TLE1: variants seen among roughly 807,000 people sequenced by gnomAD.
TLE1 encodes transducin-like enhancer protein 1.
TLE1 carries 21 observed loss-of-function variants against 89.8 expected under a neutral mutation model. The observed-to-expected ratio is 0.23, with a 90% confidence interval of 0.17 to 0.34. The LOEUF is 0.34. Among genes scored for constraint, TLE1 ranks in the 10% least tolerant of loss-of-function variants. The pLI is 1.00. For missense variants in TLE1, 795 were observed against 1,031.2 expected, an observed-to-expected ratio of 0.77 and a Z score of 3.14; for synonymous variants, 447 against 407.6, an observed-to-expected ratio of 1.10 and a Z score of -1.16.
At chr9:81,647,658 C>A (rs927980971) in intron 6 of TLE1, among the ~76,000 whole-genome samples, 1 of 152,118 alleles carries the variant, frequency 6.6e-6, no homozygotes, top group African/African-American at 2.4e-5. Flanking sequence ...GGAGTCAGGA[C>A]CACATGTTCA....
At chr9:81,668,167 CG>C (rs1283491145) in intron 4 of TLE1, among the ~76,000 whole-genome samples, 1 of 38,376 alleles carries the variant, frequency 2.6e-5, no homozygotes, top group African/African-American at 2.8e-4. Flanking sequence ...GACTGCATCT[CG>C]AAAAAAAAAA....
chr9:81,664,101 T>C (rs1156311835), intron 4 of TLE1, among the ~76,000 whole-genome samples: 1 of 152,092 alleles, frequency 6.6e-6, no homozygotes, highest in Non-Finnish European at 1.5e-5. Context: ...CTCTAGTTCC[T>C]GAAGATGACG....
intron 8 of TLE1, among the ~76,000 whole-genome samples, chr9:81,629,659 T>C (rs1826327735): frequency 6.6e-6 from 1 of 152,222 alleles, no homozygotes; most frequent in African/African-American, 2.4e-5. Flanking sequence ...TACACAAACC[T>C]GGGTGGTATA....
intron 14 of TLE1, among the ~76,000 whole-genome samples, chr9:81,605,843 C>T (rs1343362115): frequency 6.6e-6 from 1 of 150,418 alleles, no homozygotes. Flanking sequence ...AGGCAACCTA[C>T]AGAATGGGAG....
intron 8 of TLE1, among the ~76,000 whole-genome samples, chr9:81,631,863 G>A (rs1826659787): frequency 6.6e-6 from 1 of 152,210 alleles, no homozygotes; most frequent in South Asian, 2.1e-4. Context: ...AGCACGTTGG[G>A]AGGCTGAGGC....
intron 14 of TLE1, among the ~76,000 whole-genome samples, chr9:81,605,196 T>C (rs1057195051): frequency 3.3e-5 from 5 of 152,188 alleles, no homozygotes; most frequent in Non-Finnish European, 5.9e-5. Context: ...CACTCTATCC[T>C]GGACACATGA....
intron 4 of TLE1, among the ~76,000 whole-genome samples, chr9:81,669,357 T>C (rs1021040055): frequency 6.6e-6 from 1 of 152,226 alleles, no homozygotes; most frequent in African/African-American, 2.4e-5. Context: ...ACTCGGCTGT[T>C]TTCAAATCCG....
At chr9:81,635,067 T>A (rs1279374342) in intron 6 of TLE1, among the ~76,000 whole-genome samples, 1 of 152,062 alleles carries the variant, frequency 6.6e-6, no homozygotes, top group African/African-American at 2.4e-5. Flanking sequence ...TGAAACTCTA[T>A]CCCTAGGCAA....
intron 4 of TLE1, among the ~76,000 whole-genome samples, chr9:81,654,469 T>G (rs1588135843): frequency 6.6e-6 from 1 of 152,120 alleles, no homozygotes; most frequent in Non-Finnish European, 1.5e-5. Flanking sequence ...GCCTCCCAAG[T>G]AGCTGGGACT....
intron 8 of TLE1, among the ~76,000 whole-genome samples, chr9:81,632,220 TC>T (rs1170519433): frequency 6.6e-6 from 1 of 151,992 alleles, no homozygotes; most frequent in Non-Finnish European, 1.5e-5. Context: ...TAATTTTTTG[TC>T]CCCCCAATCC....
chr9:81,625,087 A>T (rs949097690), intron 8 of TLE1, among the ~76,000 whole-genome samples: 1 of 152,210 alleles, frequency 6.6e-6, no homozygotes, highest in African/African-American at 2.4e-5. Flanking sequence ...CAGAACTGGC[A>T]TAACTTTTAT....
Position 81,596,321 on chromosome 9 carries a change from A to ATCAG in TLE1, c.1332-3051_1332-3048dup, listed in dbSNP as rs528599855. 4.1e-4 allele frequency among the ~76,000 whole-genome samples: 63 copies of ATCAG among 152,288 alleles called. 1 individual carries two copies. The South Asian group carries it at 4.1e-3, about 10-fold the overall frequency. On this transcript the variant is annotated intron_variant, in intron 14 of 19. Coordinates refer to ENST00000376499, the MANE Select transcript of TLE1 (RefSeq NM_005077.5). ...GGGAAGCCCATATGGATGTTAATAC[A>ATCAG]TCAGTCACAGGGGGCCTCGCAGGAA...
At chr9:81,612,293 T>G in intron 12 of TLE1, 1 of 1,081,800 alleles carries the variant, frequency 9.2e-7, no homozygotes, top group South Asian at 4.5e-5. Context: ...AGTGTTTACC[T>G]GACTTAATCT....
At chr9:81,650,814 CT>C (rs1264493487) in intron 6 of TLE1, among the ~76,000 whole-genome samples, 1 of 152,100 alleles carries the variant, frequency 6.6e-6, no homozygotes, top group Admixed American at 6.6e-5. Context: ...AAAATTTAAG[CT>C]GAAAATCCAC....
intron 6 of TLE1, among the ~76,000 whole-genome samples, chr9:81,639,123 A>T (rs2132435059): frequency 6.6e-6 from 1 of 151,194 alleles, no homozygotes; most frequent in East Asian, 2.0e-4. Context: ...ATGGGGTCTC[A>T]CCATGTTGCC....
chr9:81,676,211 A>G (rs1235341472), intron 4 of TLE1, among the ~76,000 whole-genome samples: 1 of 148,646 alleles, frequency 6.7e-6, no homozygotes, highest in East Asian at 1.9e-4. Context: ...CACTACACAT[A>G]AGGAGTACCC....
chr9:81,631,067 A>G (rs1826529284), intron 8 of TLE1, among the ~76,000 whole-genome samples: 1 of 152,216 alleles, frequency 6.6e-6, no homozygotes, highest in Non-Finnish European at 1.5e-5. Context: ...AACTTGTCAA[A>G]AATTTGATAT....
At chr9:81,661,127 A>T (rs529199772) in intron 4 of TLE1, among the ~76,000 whole-genome samples, 33 of 144,974 alleles carry the variant, frequency 2.3e-4, no homozygotes, top group Middle Eastern at 3.5e-3. Context: ...GGTCTCAAAA[A>T]TAAAAATAAA....
At chr9:81,611,713 T>C in intron 13 of TLE1, 56 bp downstream of exon 13, 3 of 1,395,766 alleles carry the variant, frequency 2.1e-6, no homozygotes, top group Non-Finnish European at 1.9e-6. Flanking sequence ...CTGACAGCGC[T>C]CAATGGAGCA....
Sources: allele counts gnomAD v4.1 joint callset (sites outside exome capture counted in the v4.1 genomes callset), GRCh38; gene constraint gnomAD v4.1.1; transcripts MANE v1.5; gene names NCBI Gene and HGNC (gene_info 2026-07-23, HGNC 2026-07-21).